Variants in WWOX observed in about 807,000 individuals in gnomAD.
WWOX encodes WW domain-containing oxidoreductase.
In WWOX, 69 loss-of-function variants were observed where a neutral mutation model predicts 46.2. The ratio of observed to expected loss-of-function variants is 1.49; its 90% CI spans 1.23 to 1.82. The LOEUF is 1.82. Ranked by LOEUF, WWOX falls within the 40% of genes most tolerant of loss-of-function variation. The probability of loss-of-function intolerance (pLI) is 0.00; values close to 1 mark genes in which losing one functional copy is unlikely to be tolerated. For synonymous variants in WWOX, 359 were observed against 202.6 expected, an observed-to-expected ratio of 1.77 and a Z score of -6.56; for missense variants, 919 against 542.6, an observed-to-expected ratio of 1.69 and a Z score of -6.89.
At chr16:78,371,654 T>A (rs928425221) in intron 5 of WWOX, among the ~76,000 whole-genome samples, 3 of 152,196 alleles carry the variant, frequency 2.0e-5, no homozygotes, top group Non-Finnish European at 4.4e-5. Flanking sequence ...GCTTAATTAT[T>A]TTTCCCTTTA....
intron 8 of WWOX, among the ~76,000 whole-genome samples, chr16:78,616,211 C>T (rs569903821): frequency 6.9e-6 from 1 of 145,782 alleles, no homozygotes; most frequent in East Asian, 2.0e-4. Context: ...CACACACACA[C>T]TTTTGTGGTT....
At chr16:78,848,198 A>G (rs757001998) in intron 8 of WWOX, among the ~76,000 whole-genome samples, 14 of 152,214 alleles carry the variant, frequency 9.2e-5, no homozygotes, top group Non-Finnish European at 2.1e-4. Context: ...AGCAAATGCC[A>G]ATGAATTAGA....
intron 8 of WWOX, among the ~76,000 whole-genome samples, chr16:78,921,798 C>T (rs748482077): frequency 6.6e-6 from 1 of 152,238 alleles, no homozygotes; most frequent in Non-Finnish European, 1.5e-5. Context: ...TGTCCTTACT[C>T]TGACACCCAC....
intron 5 of WWOX, among the ~76,000 whole-genome samples, chr16:78,249,101 C>T (rs1296206928): frequency 6.6e-6 from 1 of 152,144 alleles, no homozygotes; most frequent in Non-Finnish European, 1.5e-5. Flanking sequence ...GATCCTCCCA[C>T]CTCGACCTCC....
intron 8 of WWOX, chr16:79,106,134 C>G (rs2049303298): frequency 6.6e-6 from 1 of 152,218 alleles, no homozygotes; most frequent in South Asian, 2.1e-4. Flanking sequence ...TCTTAGGCCA[C>G]TCCCCAGACC....
intron 4 of WWOX, among the ~76,000 whole-genome samples, chr16:78,157,253 G>A (rs1012703909): frequency 2.0e-5 from 3 of 152,162 alleles, no homozygotes; most frequent in Non-Finnish European, 4.4e-5. Context: ...GCATATGGCT[G>A]TTGGCATCTC....
intron 8 of WWOX, among the ~76,000 whole-genome samples, chr16:79,180,055 C>G (rs1456991016): frequency 2.6e-5 from 4 of 151,928 alleles, no homozygotes; most frequent in Admixed American, 2.6e-4. Flanking sequence ...CACTGAGTTG[C>G]TTTTTGAGAG....
intron 8 of WWOX, among the ~76,000 whole-genome samples, chr16:79,086,513 C>G (rs2048856661): frequency 6.6e-6 from 1 of 152,198 alleles, no homozygotes; most frequent in Admixed American, 6.5e-5. Context: ...CAGTACAGTA[C>G]TATCCAAATT....
chr16:79,131,729 A>G (rs2049882526), intron 8 of WWOX, among the ~76,000 whole-genome samples: 1 of 152,190 alleles, frequency 6.6e-6, no homozygotes, highest in Non-Finnish European at 1.5e-5. Context: ...GCAGCAGTAT[A>G]TCTCTTTACT....
intron 5 of WWOX, among the ~76,000 whole-genome samples, chr16:78,290,278 G>GT (rs1318582567): frequency 4.1e-5 from 6 of 147,970 alleles, no homozygotes; most frequent in Non-Finnish European, 1.5e-5. Context: ...CTCCCTCCTC[G>GT]TTCCCCCCCC....
intron 8 of WWOX, among the ~76,000 whole-genome samples, chr16:78,943,497 G>C (rs1480374745): frequency 6.6e-6 from 1 of 152,210 alleles, no homozygotes; most frequent in East Asian, 1.9e-4. Flanking sequence ...TGAGTTATCA[G>C]ATCTTCCAAG....
At chr16:78,893,383 C>A (rs896269723) in intron 8 of WWOX, among the ~76,000 whole-genome samples, 21 of 152,230 alleles carry the variant, frequency 1.4e-4, no homozygotes, top group African/African-American at 4.6e-4. Context: ...CCAGGCTCCC[C>A]CATTCAGTAT....
At chr16:78,943,378 C>T (rs570546948) in intron 8 of WWOX, among the ~76,000 whole-genome samples, 1 of 147,348 alleles carries the variant, frequency 6.8e-6, no homozygotes, top group Non-Finnish European at 1.5e-5. Flanking sequence ...AACTGTTCAT[C>T]TCCTCCGACT....
chr16:78,108,523 G>T lies in WWOX; in HGVS notation c.172+36G>T, dbSNP rs375248981. 10 of 1,608,730 alleles carry T rather than the reference G, an allele frequency of 6.2e-6. No homozygotes were observed. In the Admixed American group the frequency reaches 1.0e-4, roughly 16 times the overall value. ...TGTTGTCTAAGGATCTTGGATGGAA[G>T]CATTAAGTAGATGAGGAAATGTCAC... On this transcript the variant is annotated intron_variant, in intron 2 of 8. Transcript: ENST00000566780.
intron 5 of WWOX, among the ~76,000 whole-genome samples, chr16:78,374,076 T>C (rs2081759468): frequency 1.3e-5 from 2 of 152,232 alleles, no homozygotes; most frequent in African/African-American, 4.8e-5. Flanking sequence ...CGTGAGCCAT[T>C]ATGCCTGGCC....
chr16:78,894,643 C>G (rs1340043832), intron 8 of WWOX, among the ~76,000 whole-genome samples: 1 of 152,090 alleles, frequency 6.6e-6, no homozygotes, highest in Admixed American at 6.5e-5. Context: ...GGTACTTATA[C>G]CTACCCAGCC....
chr16:78,415,318 A>G (rs1335218081), intron 6 of WWOX, among the ~76,000 whole-genome samples: 3 of 151,996 alleles, frequency 2.0e-5, no homozygotes, highest in Non-Finnish European at 4.4e-5. Flanking sequence ...GGGTATAATG[A>G]GTAGTAAGGA....
Position 78,330,016 on chromosome 16 carries a change from A to T in WWOX, c.517-56844A>T, listed in dbSNP as rs1051278148. ...GCGATCCTCCAGCCTTGTCCTCCCAAAGTACTGGATTACAGGCATGAGTCA... is the reference window on the plus strand; with the variant it reads ...GCGATCCTCCAGCCTTGTCCTCCCATAGTACTGGATTACAGGCATGAGTCA... On this transcript the variant is annotated intron_variant, in intron 5 of 8. Transcript: ENST00000566780. Among the ~76,000 whole-genome samples the T allele has an allele frequency of 2.6e-5, 4 of 152,052 alleles. No homozygotes were observed. The East Asian group carries it at 7.7e-4, about 29-fold the overall frequency.
intron 5 of WWOX, among the ~76,000 whole-genome samples, chr16:78,193,819 TTTATTA>T (rs144894203): frequency 4.0e-5 from 6 of 150,018 alleles, no homozygotes; most frequent in South Asian, 2.1e-4. Flanking sequence ...TTAATTTTTA[TTTATTA>T]TTATTATTAT....
Sources: gnomAD v4.1 joint callset for allele counts (sites outside exome capture counted in the v4.1 genomes callset) on GRCh38, gnomAD v4.1.1 for gene constraint, MANE v1.5 for transcripts, NCBI Gene and HGNC (gene_info 2026-07-23, HGNC 2026-07-21) for gene names.